Variants in SKAP1 observed in about 807,000 individuals in gnomAD.
The protein encoded by SKAP1 is src kinase associated phosphoprotein 1.
SKAP1 carries 44 observed loss-of-function variants against 58.5 expected under a neutral mutation model. The ratio of observed to expected loss-of-function variants is 0.75; its 90% CI spans 0.59 to 0.97. SKAP1 has a LOEUF of 0.97. SKAP1 is among the 50% of genes least tolerant of loss of function. The probability of loss-of-function intolerance (pLI) is 0.00; values close to 1 mark genes in which losing one functional copy is unlikely to be tolerated. For synonymous variants in SKAP1, 127 were observed against 149.7 expected (o/e 0.85, Z 1.11); for missense variants, 390 against 435.2 (o/e 0.90, Z 0.92).
intron 4 of SKAP1, among the ~76,000 whole-genome samples, chr17:48,268,531 G>A (rs1236066477): frequency 6.6e-6 from 1 of 151,792 alleles, no homozygotes; most frequent in Non-Finnish European, 1.5e-5. Context: ...TCACTCTGTT[G>A]CACAGGCTGG....
rs564825162 is a variant in SKAP1, at chr17:48,200,832, T to C, written c.281-11332A>G. On this transcript the variant is annotated intron_variant, in intron 4 of 12. Transcript: ENST00000336915. Reference sequence around the variant, plus strand: ...CCAGTGGGAAATCTGGTCCCTTTCATAGAGAGCAGTGCAATTCATTATTTG... The same window carrying C: ...CCAGTGGGAAATCTGGTCCCTTTCACAGAGAGCAGTGCAATTCATTATTTG... Among the ~76,000 whole-genome samples the C allele has an allele frequency of 1.7e-4, 26 of 152,348 alleles. No homozygotes were observed. The Middle Eastern group carries it at 0.01, about 60-fold the overall frequency.
intron 11 of SKAP1, 44 bp from the exon 12 acceptor site, chr17:48,137,381 G>A (rs781698343): frequency 7.5e-7 from 1 of 1,327,260 alleles, no homozygotes; most frequent in East Asian, 2.3e-5. Context: ...ATTTGTTCAT[G>A]CTTCTGCTCA....
At chr17:48,355,644 T>C (rs1396822445) in intron 3 of SKAP1, among the ~76,000 whole-genome samples, 1 of 152,026 alleles carries the variant, frequency 6.6e-6, no homozygotes, top group Admixed American at 6.6e-5. Flanking sequence ...CTGGCCAACA[T>C]GGCAAAACCC....
chr17:48,378,631 C>A (rs553672503), intron 2 of SKAP1, among the ~76,000 whole-genome samples: 159 of 152,250 alleles, frequency 1.0e-3, no homozygotes, highest in African/African-American at 3.6e-3. Flanking sequence ...TCCTTTCATG[C>A]CTCCTTCTTC....
Position 48,354,442 on chromosome 17 carries a change from T to C in SKAP1, c.179-8436A>G, listed in dbSNP as rs184328704. On this transcript the variant is annotated intron_variant, in intron 3 of 12. Coordinates refer to ENST00000336915, the MANE Select transcript of SKAP1 (RefSeq NM_003726.4). Reference sequence around the variant, plus strand: ...GTGCATAAATCTTAAGGGTAAGTGGTATCACTTTTTAAGTTTAGGAAAATA... The same window carrying C: ...GTGCATAAATCTTAAGGGTAAGTGGCATCACTTTTTAAGTTTAGGAAAATA... Among the ~76,000 whole-genome samples the C allele has an allele frequency of 2.1e-3, 321 of 152,350 alleles. 2 individuals carry two copies. The highest frequency in any genetic ancestry group is 1.9e-3 in the East Asian group (10 of 5,192).
intron 11 of SKAP1, among the ~76,000 whole-genome samples, chr17:48,152,408 C>G (rs1272777145): frequency 6.6e-6 from 1 of 152,148 alleles, no homozygotes; most frequent in Non-Finnish European, 1.5e-5. Context: ...TGAAACAAAG[C>G]TTTTGTGACT....
intron 2 of SKAP1, among the ~76,000 whole-genome samples, chr17:48,392,719 G>A (rs1744278062): frequency 6.6e-6 from 1 of 151,902 alleles, no homozygotes; most frequent in Non-Finnish European, 1.5e-5. Context: ...CTTTAGCCAG[G>A]TGTGGTGGCT....
intron 4 of SKAP1, among the ~76,000 whole-genome samples, chr17:48,322,774 T>G (rs568340294): frequency 6.6e-6 from 1 of 152,326 alleles, no homozygotes; most frequent in African/African-American, 2.4e-5. Flanking sequence ...ACATAGCCCC[T>G]GTGAAATAAG....
intron 4 of SKAP1, among the ~76,000 whole-genome samples, chr17:48,312,903 T>C (rs1485719974): frequency 2.0e-5 from 3 of 152,186 alleles, no homozygotes; most frequent in African/African-American, 7.2e-5. Flanking sequence ...TGCAGCTGGG[T>C]GTCTTCTGTG....
chr17:48,195,669 G>T (rs1309884845), intron 4 of SKAP1, among the ~76,000 whole-genome samples: 1 of 152,198 alleles, frequency 6.6e-6, no homozygotes, highest in Non-Finnish European at 1.5e-5. Context: ...AAGCTGTGAT[G>T]TAAGAAGCTA....
intron 4 of SKAP1, chr17:48,193,908 A>G (rs1288086335): frequency 5.5e-6 from 1 of 180,642 alleles, no homozygotes; most frequent in East Asian, 1.9e-4. Flanking sequence ...AAGGCAAACA[A>G]TTTATATTTA....
At chr17:48,221,516 A>G (rs1320066159) in intron 4 of SKAP1, among the ~76,000 whole-genome samples, 1 of 152,216 alleles carries the variant, frequency 6.6e-6, no homozygotes, top group East Asian at 1.9e-4. Flanking sequence ...AGGCATGGCT[A>G]AAAGAATTTG....
intron 10 of SKAP1, among the ~76,000 whole-genome samples, chr17:48,165,696 G>A (rs184305088): frequency 3.9e-5 from 6 of 152,166 alleles, no homozygotes; most frequent in African/African-American, 1.2e-4. Flanking sequence ...CACTGTGCCC[G>A]GCCGACTTTG....
chr17:48,328,171 G>A (rs753382492), intron 4 of SKAP1, among the ~76,000 whole-genome samples: 1 of 152,158 alleles, frequency 6.6e-6, no homozygotes, highest in Non-Finnish European at 1.5e-5. Flanking sequence ...TATCAAACAA[G>A]GATACTACTC....
intron 4 of SKAP1, among the ~76,000 whole-genome samples, chr17:48,265,281 G>A (rs565860685): frequency 2.0e-5 from 3 of 152,026 alleles, no homozygotes; most frequent in Non-Finnish European, 4.4e-5. Context: ...TGAGGGAGGC[G>A]GATCACGAGG....
chr17:48,308,948 T>G (rs1283510995), intron 4 of SKAP1, among the ~76,000 whole-genome samples: 3 of 152,118 alleles, frequency 2.0e-5, no homozygotes, highest in African/African-American at 2.4e-5. Context: ...ACACAATCAC[T>G]TGAGAAAAAT....
intron 4 of SKAP1, among the ~76,000 whole-genome samples, chr17:48,195,340 T>C (rs1171061202): frequency 6.6e-6 from 1 of 152,228 alleles, no homozygotes; most frequent in East Asian, 1.9e-4. Flanking sequence ...TCAATGACTA[T>C]TCCTTGATTA....
At chr17:48,305,416 A>G (rs888307459) in intron 4 of SKAP1, among the ~76,000 whole-genome samples, 2 of 152,206 alleles carry the variant, frequency 1.3e-5, no homozygotes, top group African/African-American at 4.8e-5. Context: ...GGCCACTTGC[A>G]CACTATGATA....
At chr17:48,388,486 T>A (rs576570038) in intron 2 of SKAP1, among the ~76,000 whole-genome samples, 1 of 152,176 alleles carries the variant, frequency 6.6e-6, no homozygotes, top group East Asian at 1.9e-4. Context: ...ATTATGAAAA[T>A]TTTCAACTTT....
Sources: allele counts gnomAD v4.1 joint callset (sites outside exome capture counted in the v4.1 genomes callset), GRCh38; gene constraint gnomAD v4.1.1; transcripts MANE v1.5; gene names NCBI Gene and HGNC (gene_info 2026-07-23, HGNC 2026-07-21).